FHIT: variants seen among roughly 807,000 people sequenced by gnomAD.
FHIT encodes the protein bis(5'-adenosyl)-triphosphatase.
A neutral mutation model predicts 17.9 loss-of-function variants in FHIT; 19 were observed. The ratio of observed to expected loss-of-function variants is 1.06; its 90% confidence interval spans 0.74 to 1.56. The LOEUF is 1.56. Ranked by LOEUF, FHIT falls within the 40% of genes most tolerant of loss-of-function variation. The pLI, the probability that FHIT is intolerant of heterozygous loss-of-function variation, is 0.00. For synonymous variants in FHIT, 81 were observed against 69.7 expected, an observed-to-expected ratio of 1.16 and a Z score of -0.81; for missense variants, 248 against 189.2, an observed-to-expected ratio of 1.31 and a Z score of -1.82.
intron 5 of FHIT, among the ~76,000 whole-genome samples, chr3:60,369,671 C>T (rs1700245451): frequency 6.6e-6 from 1 of 152,228 alleles, no homozygotes; most frequent in South Asian, 2.1e-4. Flanking sequence ...AGGTAGGTCT[C>T]CTTCTATAGC....
At chr3:59,943,543 G>A (rs766372269) in intron 7 of FHIT, among the ~76,000 whole-genome samples, 3 of 152,034 alleles carry the variant, frequency 2.0e-5, no homozygotes, top group Non-Finnish European at 2.9e-5. Context: ...ATGGAAGTAA[G>A]AACAACTCAA....
chr3:59,767,034 C>G (rs1468485423), intron 8 of FHIT, among the ~76,000 whole-genome samples: 2 of 152,108 alleles, frequency 1.3e-5, no homozygotes, highest in African/African-American at 2.4e-5. Flanking sequence ...TTTCTGGCAT[C>G]CCAGATGCAA....
intron 8 of FHIT, among the ~76,000 whole-genome samples, chr3:59,904,681 A>G (rs954255747): frequency 6.6e-6 from 1 of 152,158 alleles, no homozygotes; most frequent in African/African-American, 2.4e-5. Context: ...TACCATGCCC[A>G]AGAAGAATGA....
intron 2 of FHIT, among the ~76,000 whole-genome samples, chr3:61,120,856 T>C (rs904997418): frequency 9.9e-5 from 15 of 151,902 alleles, no homozygotes; most frequent in African/African-American, 3.6e-4. Context: ...GAAAAAAGGT[T>C]AGAGGAATTG....
At chr3:60,083,060 T>C (rs146878048) in intron 5 of FHIT, among the ~76,000 whole-genome samples, 2 of 152,302 alleles carry the variant, frequency 1.3e-5, no homozygotes, top group Non-Finnish European at 2.9e-5. Flanking sequence ...CAGAAAGACA[T>C]TTCCTAACTT....
intron 8 of FHIT, among the ~76,000 whole-genome samples, chr3:59,853,443 T>A (rs1702023452): frequency 1.3e-5 from 2 of 152,186 alleles, no homozygotes; most frequent in Non-Finnish European, 2.9e-5. Context: ...TTGTATTATG[T>A]GATTTGCAAG....
At chr3:60,896,988 A>C (rs1450041750) in intron 3 of FHIT, among the ~76,000 whole-genome samples, 3 of 152,196 alleles carry the variant, frequency 2.0e-5, no homozygotes, top group African/African-American at 7.2e-5. Context: ...TTTTGCAAAA[A>C]TAATCAGACA....
intron 5 of FHIT, among the ~76,000 whole-genome samples, chr3:60,340,247 G>A (rs1054932455): frequency 1.3e-5 from 2 of 152,174 alleles, no homozygotes; most frequent in African/African-American, 4.8e-5. Flanking sequence ...ACAGACATCT[G>A]CAAATGAAGT....
intron 5 of FHIT, among the ~76,000 whole-genome samples, chr3:60,467,175 AATG>A (rs370710488): frequency 2.4e-4 from 37 of 152,042 alleles, no homozygotes; most frequent in African/African-American, 7.9e-4. Context: ...AGTATCTTCT[AATG>A]ATCTTTGAAT....
At chr3:60,231,061 C>G (rs1391584539) in intron 5 of FHIT, among the ~76,000 whole-genome samples, 1 of 152,106 alleles carries the variant, frequency 6.6e-6, no homozygotes, top group African/African-American at 2.4e-5. Context: ...GGCAACAACT[C>G]GGAAATAAAA....
intron 5 of FHIT, among the ~76,000 whole-genome samples, chr3:60,397,266 G>C (rs1294424735): frequency 6.6e-6 from 1 of 152,176 alleles, no homozygotes; most frequent in Non-Finnish European, 1.5e-5. Flanking sequence ...CACAAAGTCA[G>C]CATTAGACAC....
intron 5 of FHIT, among the ~76,000 whole-genome samples, chr3:60,139,339 G>A (rs1266857767): frequency 2.6e-5 from 4 of 152,134 alleles, no homozygotes; most frequent in African/African-American, 9.7e-5. Flanking sequence ...CCAAGTATAT[G>A]AGTAAATGCA....
intron 2 of FHIT, among the ~76,000 whole-genome samples, chr3:61,191,037 A>T (rs2038698994): frequency 6.6e-6 from 1 of 152,094 alleles, no homozygotes; most frequent in South Asian, 2.1e-4. Flanking sequence ...CATATGTAAC[A>T]AACCTGCACA....
At chr3:60,583,856 C>T (rs1553660597) in intron 4 of FHIT, among the ~76,000 whole-genome samples, 1 of 152,088 alleles carries the variant, frequency 6.6e-6, no homozygotes, top group Non-Finnish European at 1.5e-5. Context: ...TGCCTTCCCC[C>T]AAACCACTTT....
At chr3:59,889,208 C>T (rs1441223026) in intron 8 of FHIT, among the ~76,000 whole-genome samples, 1 of 152,190 alleles carries the variant, frequency 6.6e-6, no homozygotes, top group Non-Finnish European at 1.5e-5. Flanking sequence ...TTCAACAATG[C>T]TTGGGCACTG....
intron 3 of FHIT, among the ~76,000 whole-genome samples, chr3:60,842,196 T>A (rs1702743606): frequency 6.6e-6 from 1 of 152,118 alleles, no homozygotes; most frequent in Non-Finnish European, 1.5e-5. Flanking sequence ...GATGCTGGAA[T>A]GCACAGAATT....
intron 8 of FHIT, among the ~76,000 whole-genome samples, chr3:59,804,522 G>A (rs1291192472): frequency 6.6e-6 from 1 of 152,232 alleles, no homozygotes; most frequent in Non-Finnish European, 1.5e-5. Flanking sequence ...CACAGGGTGG[G>A]AGTGGGCCCG....
At chr3:61,046,564 A>C (rs919106130) in intron 2 of FHIT, among the ~76,000 whole-genome samples, 5 of 152,234 alleles carry the variant, frequency 3.3e-5, no homozygotes, top group Non-Finnish European at 5.9e-5. Flanking sequence ...CCAGAGGTAC[A>C]AAGAGGACCT....
chr3:60,005,085 C>T (rs1422438397), intron 7 of FHIT, among the ~76,000 whole-genome samples: 1 of 152,140 alleles, frequency 6.6e-6, no homozygotes, highest in Non-Finnish European at 1.5e-5. Flanking sequence ...CCCCAGAGTC[C>T]TCCCTCTTCA....
Sources: gnomAD v4.1 joint callset for allele counts (sites outside exome capture counted in the v4.1 genomes callset) on GRCh38, gnomAD v4.1.1 for gene constraint, MANE v1.5 for transcripts, NCBI Gene and HGNC (gene_info 2026-07-23, HGNC 2026-07-21) for gene names.